Variants in CADPS observed in about 807,000 individuals in gnomAD.
The protein encoded by CADPS is calcium-dependent secretion activator 1.
CADPS carries 57 observed loss-of-function variants against 167.3 expected under a neutral mutation model. The ratio of observed to expected loss-of-function variants is 0.34; its 90% CI spans 0.28 to 0.42. CADPS has a LOEUF of 0.42. CADPS is among the 20% of genes least tolerant of loss of function. The pLI is 1.00. For synonymous variants in CADPS, 676 were observed against 635.3 expected, an observed-to-expected ratio of 1.06 and a Z score of -0.96; for missense variants, 1,414 against 1,738.1, an observed-to-expected ratio of 0.81 and a Z score of 3.32.
At chr3:62,518,373 G>C in intron 13 of CADPS, 123 bp from the exon 14 acceptor site, 3 of 691,462 alleles carry the variant, frequency 4.3e-6, no homozygotes, top group Non-Finnish European at 7.2e-6. Flanking sequence ...TGTGAGCTCA[G>C]GAGAAGCCCA....
chr3:62,771,827 A>C (rs1344980696), intron 1 of CADPS, among the ~76,000 whole-genome samples: 1 of 152,202 alleles, frequency 6.6e-6, no homozygotes, highest in Admixed American at 6.5e-5. Context: ...ACTGCATTTC[A>C]GGCAGTTTGT....
chr3:62,538,342 C>A (rs755898532), intron 11 of CADPS, among the ~76,000 whole-genome samples: 10 of 152,088 alleles, frequency 6.6e-5, no homozygotes, highest in Non-Finnish European at 1.2e-4. Flanking sequence ...GTGTCTTAAA[C>A]CTGCTCCAAC....
intron 11 of CADPS, among the ~76,000 whole-genome samples, chr3:62,539,181 A>G (rs2075278051): frequency 1.3e-5 from 2 of 152,078 alleles, no homozygotes; most frequent in South Asian, 4.1e-4. Context: ...TGTTTTTAAA[A>G]AACTGTAGGA....
At chr3:62,692,887 C>T (rs2079452168) in intron 3 of CADPS, among the ~76,000 whole-genome samples, 1 of 152,004 alleles carries the variant, frequency 6.6e-6, no homozygotes, top group Non-Finnish European at 1.5e-5. Flanking sequence ...ACTTCAAAAC[C>T]ATCCAGGTCT....
At chr3:62,553,544 G>T (rs971097951) in intron 10 of CADPS, among the ~76,000 whole-genome samples, 5 of 152,174 alleles carry the variant, frequency 3.3e-5, no homozygotes, top group Non-Finnish European at 5.9e-5. Context: ...TGAATCCAGG[G>T]CTGGGCCCTC....
chr3:62,415,753 C>T (rs2049941914), intron 28 of CADPS, among the ~76,000 whole-genome samples: 1 of 152,098 alleles, frequency 6.6e-6, no homozygotes, highest in African/African-American at 2.4e-5. Flanking sequence ...CAAGGGTTCC[C>T]CGCTGGGCCT....
chr3:62,437,687 C>T (rs1267257813), intron 28 of CADPS, among the ~76,000 whole-genome samples: 1 of 152,176 alleles, frequency 6.6e-6, no homozygotes, highest in Non-Finnish European at 1.5e-5. Flanking sequence ...CTGCACACCA[C>T]AGCTGGTGTC....
At chr3:62,775,731 G>A (rs1365937931) in intron 1 of CADPS, among the ~76,000 whole-genome samples, 1 of 152,148 alleles carries the variant, frequency 6.6e-6, no homozygotes, top group East Asian at 1.9e-4. Flanking sequence ...AATCAGACAA[G>A]TCCCTTCCCA....
intron 1 of CADPS, among the ~76,000 whole-genome samples, chr3:62,769,386 T>G (rs962982564): frequency 6.6e-6 from 1 of 151,988 alleles, no homozygotes; most frequent in Non-Finnish European, 1.5e-5. Flanking sequence ...TGTGTGCCTC[T>G]ACAGCTGGCT....
At chr3:62,864,826 A>G (rs117856414) in intron 1 of CADPS, among the ~76,000 whole-genome samples, 3,800 of 152,230 alleles carry the variant, frequency 0.025, 83 homozygotes, top group South Asian at 0.076. Flanking sequence ...CAATATTTAC[A>G]ATTCAGACAC....
rs775539072 is a variant in CADPS at position 62,729,781 on chromosome 3, C to G, written c.888+23660G>C. ...ATCCTGCCTTTAACACTTTCTCATT[C>G]TACATCAACAAGGAAGGGAGACCTT... On this transcript the variant is annotated intron_variant, in intron 3 of 29. Coordinates refer to ENST00000383710, the MANE Select transcript of CADPS (RefSeq NM_003716.4). 6.6e-5 allele frequency among the ~76,000 whole-genome samples: 10 copies of G among 151,742 alleles called. 1 individual carries two copies. The highest frequency in any genetic ancestry group is 1.2e-4 in the African/African-American group (5 of 41,044).
At chr3:62,461,436 A>G (rs1323615851) in intron 26 of CADPS, among the ~76,000 whole-genome samples, 1 of 152,060 alleles carries the variant, frequency 6.6e-6, no homozygotes, top group Non-Finnish European at 1.5e-5. Flanking sequence ...ACTGTACTCC[A>G]TGGACTCTCA....
At chr3:62,614,482 G>A (rs933384877) in intron 6 of CADPS, among the ~76,000 whole-genome samples, 1 of 152,120 alleles carries the variant, frequency 6.6e-6, no homozygotes, top group Admixed American at 6.5e-5. Context: ...GTTTGAAAAG[G>A]CATCACACCT....
rs1352502514 is a variant in CADPS, at chr3:62,499,255, C to G, written c.2613G>C (p.Arg871=). 3 of 1,612,016 alleles carry G rather than the reference C, an allele frequency of 1.9e-6. No individual in the cohort carries two copies. The highest frequency in any genetic ancestry group is 2.2e-5 in the South Asian group (2 of 91,024). The part of the protein sequence containing the change: ...ENQKDAENVG[R]LITPAKKLED... ...CAAGCTTTTTGGCAGGAGTGATTAA[C>G]CGGCCTACATTTTCTGTAGTACAAG... is the stretch of plus-strand genomic sequence containing the variant. Residue 871 remains arginine, a synonymous_variant, in exon 18 of 30, where the codon CGG becomes CGC. Transcript: ENST00000383710.
At chr3:62,559,339 C>A (rs901953136) in intron 9 of CADPS, among the ~76,000 whole-genome samples, 24 of 152,136 alleles carry the variant, frequency 1.6e-4, no homozygotes, top group African/African-American at 5.3e-4. Flanking sequence ...TGAGTACATA[C>A]AATCCAATAA....
chr3:62,504,185 T>A (rs2066230068), intron 17 of CADPS, among the ~76,000 whole-genome samples: 1 of 152,178 alleles, frequency 6.6e-6, no homozygotes, highest in Admixed American at 6.5e-5. Flanking sequence ...TTCCTCTTAT[T>A]GAAATTGTTT....
intron 13 of CADPS, 108 bp from the exon 14 acceptor site, chr3:62,518,358 A>T: frequency 2.6e-6 from 2 of 781,038 alleles, no homozygotes; most frequent in Non-Finnish European, 4.1e-6. Context: ...AACTACAGTG[A>T]TCGATGTGAG....
chr3:62,568,923 T>C (rs1175049664), intron 9 of CADPS, among the ~76,000 whole-genome samples: 1 of 152,222 alleles, frequency 6.6e-6, no homozygotes, highest in African/African-American at 2.4e-5. Flanking sequence ...GCTGTTTGCA[T>C]ATGTAGAACT....
At chr3:62,456,454 C>T (rs2058688214) in intron 26 of CADPS, among the ~76,000 whole-genome samples, 1 of 152,110 alleles carries the variant, frequency 6.6e-6, no homozygotes. Flanking sequence ...GGTCCTGAGC[C>T]TGAAGCCTCC....
Sources: gnomAD v4.1 joint callset for allele counts (sites outside exome capture counted in the v4.1 genomes callset) on GRCh38, gnomAD v4.1.1 for gene constraint, MANE v1.5 for transcripts, NCBI Gene and HGNC (gene_info 2026-07-23, HGNC 2026-07-21) for gene names.